ISY1: variants seen among roughly 807,000 people sequenced by gnomAD.
ISY1 encodes pre-mRNA-splicing factor ISY1 homolog.
A neutral mutation model predicts 54.4 loss-of-function variants in ISY1; 12 were observed. The observed-to-expected ratio is 0.22, with a 90% confidence interval of 0.14 to 0.36. The LOEUF (loss-of-function observed/expected upper bound fraction) is 0.36, where lower values mean the gene tolerates loss of function less well. Among genes scored for constraint, ISY1 ranks in the 10% least tolerant of loss-of-function variants. The pLI is 1.00. For synonymous variants in ISY1, 96 were observed against 117.9 expected (o/e 0.81, Z 1.20); for missense variants, 282 against 342.2 (o/e 0.82, Z 1.39).
At chr3:129,141,770 A>T (rs1317905972) in intron 6 of ISY1, among the ~76,000 whole-genome samples, 2 of 151,026 alleles carry the variant, frequency 1.3e-5, no homozygotes, top group East Asian at 3.9e-4. Flanking sequence ...ATAAAATAAA[A>T]TAATTAAAAA....
chr3:129,156,472 T>C (rs916740140), intron 5 of ISY1, among the ~76,000 whole-genome samples, 161 bp downstream of exon 5: 2 of 152,124 alleles, frequency 1.3e-5, no homozygotes, highest in African/African-American at 4.8e-5. Flanking sequence ...TCTACAACTT[T>C]CAACTACATC....
intron 7 of ISY1, among the ~76,000 whole-genome samples, chr3:129,139,004 G>A (rs1936523304): frequency 6.6e-6 from 1 of 151,144 alleles, no homozygotes; most frequent in Non-Finnish European, 1.5e-5. Context: ...GGACGATCTC[G>A]GCTCACTGCA....
chr3:129,145,525 A>G (rs1375926328), intron 6 of ISY1, among the ~76,000 whole-genome samples: 1 of 152,010 alleles, frequency 6.6e-6, no homozygotes, highest in Non-Finnish European at 1.5e-5. Context: ...GCCCGGGCTC[A>G]TGGTCATTTT....
intron 3 of ISY1, 125 bp from the exon 4 acceptor site, chr3:129,157,045 AGAT>A: frequency 9.7e-7 from 1 of 1,032,786 alleles, no homozygotes; most frequent in Non-Finnish European, 1.4e-6. Context: ...TTTTCATTCC[AGAT>A]GATCCTCATC....
intron 5 of ISY1, among the ~76,000 whole-genome samples, chr3:129,153,659 G>A (rs1194202325): frequency 3.3e-5 from 5 of 151,802 alleles, no homozygotes; most frequent in African/African-American, 1.2e-4. Context: ...GGTGGTGGGC[G>A]CCTGTAGGCC....
intron 7 of ISY1, among the ~76,000 whole-genome samples, chr3:129,139,626 A>T (rs1412338039): frequency 4.3e-3 from 3 of 700 alleles, no homozygotes; most frequent in African/African-American, 5.4e-3. Context: ...GGATTCACAC[A>T]AAAGTAGCTC....
chr3:129,135,055 C>A, intron 7 of ISY1, 101 bp from the exon 8 acceptor site: 1 of 1,413,776 alleles, frequency 7.1e-7, no homozygotes. Flanking sequence ...CACGTATGTT[C>A]ATGAAAATAC....
intron 5 of ISY1, among the ~76,000 whole-genome samples, chr3:129,151,176 T>A (rs1936958334): frequency 1.4e-5 from 2 of 147,504 alleles, no homozygotes; most frequent in African/African-American, 4.9e-5. Context: ...TATAAAAATA[T>A]ATATAAATAT....
At chr3:129,152,397 A>G (rs1198680614) in intron 5 of ISY1, among the ~76,000 whole-genome samples, 1 of 151,082 alleles carries the variant, frequency 6.6e-6, no homozygotes, top group Non-Finnish European at 1.5e-5. Context: ...CTTTTTATAC[A>G]TTGCTAGGTT....
intron 9 of ISY1, 75 bp downstream of exon 9, chr3:129,133,999 C>A (rs1936316355): frequency 6.3e-7 from 1 of 1,593,694 alleles, no homozygotes; most frequent in Admixed American, 1.7e-5. Flanking sequence ...TATTTGGGAG[C>A]CAAGTTTCCT....
intron 1 of ISY1, 55 bp downstream of exon 1, chr3:129,160,918 G>GCCCCCCCCCCCCCCCCCCCCCCCCC: frequency 1.5e-6 from 1 of 666,128 alleles, no homozygotes; most frequent in Non-Finnish European, 2.7e-6. Flanking sequence ...TGGACTGGGC[G>GCCCCCCCCCCCCCCCCCCCCCCCCC]CCCCCCCGCC....
intron 5 of ISY1, among the ~76,000 whole-genome samples, chr3:129,152,345 T>C (rs372658314): frequency 3.3e-5 from 5 of 152,234 alleles, no homozygotes; most frequent in African/African-American, 9.6e-5. Flanking sequence ...GAATCTACTA[T>C]GTTTTTCCAG....
intron 1 of ISY1, among the ~76,000 whole-genome samples, chr3:129,160,087 G>A (rs1336151188): frequency 6.6e-6 from 1 of 151,392 alleles, no homozygotes; most frequent in Non-Finnish European, 1.5e-5. Flanking sequence ...GTGCAGTGGC[G>A]CGATCTCGGC....
chr3:129,150,320 A>C (rs1381100794), intron 5 of ISY1, among the ~76,000 whole-genome samples: 4 of 152,200 alleles, frequency 2.6e-5, no homozygotes, highest in African/African-American at 9.6e-5. Flanking sequence ...ATACAACAGC[A>C]CAGTGTATCT....
chr3:129,157,080 A>G (rs1222484195), intron 3 of ISY1, among the ~76,000 whole-genome samples, 160 bp from the exon 4 acceptor site: 1 of 152,208 alleles, frequency 6.6e-6, no homozygotes, highest in African/African-American at 2.4e-5. Context: ...CTCATTCTAC[A>G]ATCTCTCCTT....
chr3:129,147,407 T>C (rs1936800499), intron 5 of ISY1, among the ~76,000 whole-genome samples: 1 of 151,952 alleles, frequency 6.6e-6, no homozygotes, highest in Admixed American at 6.6e-5. Flanking sequence ...AAATACATTT[T>C]AGAACCTCCC....
rs1359832505 is a variant in ISY1, at chr3:129,129,400, A to G, written c.*681T>C. 1 of 144,962 alleles carries G rather than the reference A, an allele frequency of 6.9e-6. No individual in the cohort carries two copies. Among genetic ancestry groups the G allele is most frequent in the Non-Finnish European group, 1.5e-5 (1 of 66,902 alleles). The allele number at this position is 144,962 out of a possible 1,614,324, so 9.0% of individuals were successfully genotyped here. On this transcript the variant is annotated 3_prime_UTR_variant, in exon 11 of 11. Transcript: ENST00000393295. ...TTTTTTTTTTTTTTTTTTGGGACAG[A>G]GTCTCACTCTGTCGCCAGGCTGGAG...
chr3:129,150,606 G>A (rs538923674), intron 5 of ISY1, among the ~76,000 whole-genome samples: 5 of 152,150 alleles, frequency 3.3e-5, no homozygotes, highest in South Asian at 4.1e-4. Flanking sequence ...CCAGCTACTC[G>A]GGAGGCTGAG....
At chr3:129,156,949 T>A in intron 3 of ISY1, 29 bp from the exon 4 acceptor site, 1 of 1,610,550 alleles carries the variant, frequency 6.2e-7, no homozygotes, top group Non-Finnish European at 8.5e-7. Flanking sequence ...CACATTTCCA[T>A]TATACTATTT....
Sources: allele counts gnomAD v4.1 joint callset (sites outside exome capture counted in the v4.1 genomes callset), GRCh38; gene constraint gnomAD v4.1.1; transcripts MANE v1.5; gene names NCBI Gene and HGNC (gene_info 2026-07-23, HGNC 2026-07-21).